Variants in WWTR1 observed in about 807,000 individuals in gnomAD.
WWTR1 encodes WW domain-containing transcription regulator protein 1.
Under a neutral mutation model 40.1 loss-of-function variants are expected in WWTR1, and 13 were observed. That is an observed-to-expected ratio of 0.32 (90% confidence interval 0.21 to 0.52). The LOEUF (loss-of-function observed/expected upper bound fraction) is 0.52, where lower values mean the gene tolerates loss of function less well. WWTR1 is among the 20% of genes least tolerant of loss of function. WWTR1 has a pLI of 0.97. For synonymous variants in WWTR1, 230 were observed against 210.1 expected (o/e 1.09, Z -0.82); for missense variants, 436 against 523.1 (o/e 0.83, Z 1.63).
chr3:149,552,478 A>C lies in WWTR1; in HGVS notation c.569-9941T>G, dbSNP rs1736653352. The stretch of plus-strand genomic sequence containing the variant: ...GATGAGAACTGAGAAAAAAACTGGC[A>C]ACGCCTCACCCATAACTCATCTTCT... On this transcript the variant is annotated intron_variant, in intron 3 of 6. Coordinates refer to ENST00000360632, the MANE Select transcript of WWTR1 (RefSeq NM_015472.6). Among the ~76,000 whole-genome samples, 2 of 149,888 alleles carry C rather than the reference A, an allele frequency of 1.3e-5. 1 individual carries two copies. The highest frequency in any genetic ancestry group is 4.2e-4 in the South Asian group (2 of 4,766).
upstream of WWTR1, among the ~76,000 whole-genome samples, chr3:149,707,237 G>A (rs1715357081): frequency 6.6e-6 from 1 of 152,216 alleles, no homozygotes; most frequent in Admixed American, 6.5e-5. Flanking sequence ...CACATGCAGT[G>A]TAGGGAGAAA....
intron 5 of WWTR1, among the ~76,000 whole-genome samples, chr3:149,709,174 C>T (rs1228837305): frequency 6.6e-6 from 1 of 151,898 alleles, no homozygotes; most frequent in African/African-American, 2.4e-5. Context: ...GGGGCTTTGC[C>T]ATGTTGCCCA....
intron 2 of WWTR1, among the ~76,000 whole-genome samples, chr3:149,623,704 G>T (rs1740420497): frequency 2.6e-5 from 4 of 152,142 alleles, no homozygotes; most frequent in Non-Finnish European, 1.5e-5. Context: ...TTATGTAATT[G>T]CTTTCAGGGC....
chr3:149,613,056 G>A (rs1457143949), intron 2 of WWTR1, among the ~76,000 whole-genome samples: 2 of 152,150 alleles, frequency 1.3e-5, no homozygotes, highest in African/African-American at 4.8e-5. Context: ...AGTGCAGGTG[G>A]GTAGGCTGGC....
Position 149,653,961 on chromosome 3 carries a change from C to T in WWTR1, c.431+2915G>A, listed in dbSNP as rs557308888. Among the ~76,000 whole-genome samples the T allele has an allele frequency of 3.3e-5, 5 of 152,192 alleles. No homozygotes were observed. In the South Asian group the frequency reaches 8.3e-4, roughly 25 times the overall value. ...AACTTATAAAGCTCTCAACTCCCAACAGAGTCAAGAAAAAGATTCTTCTTC... is the reference window on the plus strand; with the variant it reads ...AACTTATAAAGCTCTCAACTCCCAATAGAGTCAAGAAAAAGATTCTTCTTC... On this transcript the variant is annotated intron_variant, in intron 2 of 6. Transcript: ENST00000360632.
At chr3:149,576,874 T>C (rs1737908664) in intron 2 of WWTR1, among the ~76,000 whole-genome samples, 1 of 152,118 alleles carries the variant, frequency 6.6e-6, no homozygotes, top group South Asian at 2.1e-4. Context: ...AAAAGAAAAT[T>C]GATGCATGAA....
At chr3:149,615,272 T>A (rs1739921418) in intron 2 of WWTR1, among the ~76,000 whole-genome samples, 1 of 152,252 alleles carries the variant, frequency 6.6e-6, no homozygotes, top group African/African-American at 2.4e-5. Context: ...TCAACCATTT[T>A]TTTATAAGGA....
At chr3:149,570,602 T>TAATAATAATAATAATAAC (rs1201626174) in intron 3 of WWTR1, among the ~76,000 whole-genome samples, 1 of 139,006 alleles carries the variant, frequency 7.2e-6, no homozygotes, top group Admixed American at 7.3e-5. Context: ...ATAATAATAA[T>TAATAATAATAATAATAAC]AACAAAAATT....
At chr3:149,670,230 A>G (rs1008033380) in intron 1 of WWTR1, among the ~76,000 whole-genome samples, 2 of 152,184 alleles carry the variant, frequency 1.3e-5, no homozygotes, top group Non-Finnish European at 2.9e-5. Context: ...AGAAAGTCCT[A>G]AGCATTTACC....
intron 1 of WWTR1, among the ~76,000 whole-genome samples, chr3:149,681,039 C>T (rs35893282): frequency 0.091 from 13,785 of 152,244 alleles, 784 homozygotes; most frequent in African/African-American, 0.15. Flanking sequence ...ACATCTTGTA[C>T]TTACAGCTTT....
chr3:149,688,330 C>T (rs1286873797), intron 1 of WWTR1, among the ~76,000 whole-genome samples: 3 of 152,082 alleles, frequency 2.0e-5, no homozygotes, highest in Admixed American at 2.0e-4. Flanking sequence ...TGGGCGAGAC[C>T]CAGTACTTTA....
intron 3 of WWTR1, among the ~76,000 whole-genome samples, chr3:149,555,376 G>A (rs1244726528): frequency 2.0e-5 from 3 of 151,824 alleles, no homozygotes; most frequent in African/African-American, 4.8e-5. Flanking sequence ...TATCAGCTTC[G>A]TAAGGAATCA....
At chr3:149,528,710 A>C (rs930106852) in intron 4 of WWTR1, among the ~76,000 whole-genome samples, 2 of 152,082 alleles carry the variant, frequency 1.3e-5, no homozygotes, top group African/African-American at 4.8e-5. Context: ...TTGAGACTAA[A>C]GTGAGCAGAG....
At chr3:149,578,408 C>A (rs888512290) in intron 2 of WWTR1, among the ~76,000 whole-genome samples, 5 of 152,182 alleles carry the variant, frequency 3.3e-5, no homozygotes, top group Non-Finnish European at 7.3e-5. Context: ...GCCAGTTCTC[C>A]TGGCTTCCCA....
chr3:149,540,880 A>G (rs1334677536), intron 4 of WWTR1: 1 of 330,406 alleles, frequency 3.0e-6, no homozygotes, highest in Non-Finnish European at 6.0e-6. Flanking sequence ...TTAATTTACC[A>G]TGCATTTTAA....
intron 1 of WWTR1, among the ~76,000 whole-genome samples, chr3:149,676,070 G>T (rs1017501800): frequency 6.6e-6 from 1 of 152,080 alleles, no homozygotes; most frequent in Non-Finnish European, 1.5e-5. Context: ...AGGAATTATG[G>T]TGGAACATTG....
At chr3:149,714,010 C>A (rs1215375248) in intron 5 of WWTR1, among the ~76,000 whole-genome samples, 1 of 152,222 alleles carries the variant, frequency 6.6e-6, no homozygotes, top group Non-Finnish European at 1.5e-5. Context: ...CCCTGGGAGC[C>A]CCCCAGATCC....
At chr3:149,676,070 G>A (rs1017501800) in intron 1 of WWTR1, among the ~76,000 whole-genome samples, 3 of 152,080 alleles carry the variant, frequency 2.0e-5, no homozygotes, top group African/African-American at 7.2e-5. Context: ...AGGAATTATG[G>A]TGGAACATTG....
intron 5 of WWTR1, among the ~76,000 whole-genome samples, chr3:149,710,830 C>T (rs528088965): frequency 5.1e-4 from 78 of 152,128 alleles, no homozygotes; most frequent in African/African-American, 1.7e-3. Context: ...CCACCCACCT[C>T]AGCCTCCCAA....
Sources: allele counts gnomAD v4.1 joint callset (sites outside exome capture counted in the v4.1 genomes callset), GRCh38; gene constraint gnomAD v4.1.1; transcripts MANE v1.5; gene names NCBI Gene and HGNC (gene_info 2026-07-23, HGNC 2026-07-21).